The following TYW1 variants were observed in gnomAD, a reference collection of about 807,000 sequenced individuals.
TYW1 encodes tRNA-yW synthesizing protein 1 homolog, also known as S-adenosyl-L-methionine-dependent tRNA 4-demethylwyosine synthase TYW1.
A neutral mutation model predicts 96.2 loss-of-function variants in TYW1; 46 were observed. The observed-to-expected ratio is 0.48, with a 90% CI of 0.38 to 0.61. TYW1 has a LOEUF of 0.61. Among genes scored for constraint, TYW1 ranks in the 20% least tolerant of loss-of-function variants. The pLI is 0.00. For missense variants in TYW1, 684 were observed against 909.6 expected (o/e 0.75, Z 3.19); for synonymous variants, 274 against 323.0 (o/e 0.85, Z 1.63).
rs576438551 is a variant in TYW1 at position 66,996,833 on chromosome 7, C to A, written c.-146C>A. The stretch of plus-strand genomic sequence containing the variant: ...GTCCTCTGAACCAATCAGGACCGGC[C>A]TGGCAGTGTCATGGCTGCCCACAGG... On this transcript the variant is annotated 5_prime_UTR_variant, in exon 1 of 16. In the 5' UTR this introduces an upstream ATG that the reference lacks. Coordinates refer to ENST00000359626, the MANE Select transcript of TYW1 (RefSeq NM_018264.4). 2.8e-5 allele frequency: 41 copies of A among 1,455,478 alleles called. 1 individual carries two copies. In the South Asian group the frequency reaches 3.9e-4, roughly 14 times the overall value. The allele number at this position is 1,455,478 out of a possible 1,614,324, so 90.2% of individuals were successfully genotyped here.
chr7:67,148,722 T>C (rs1337621174), intron 13 of TYW1, among the ~76,000 whole-genome samples: 2 of 152,146 alleles, frequency 1.3e-5, no homozygotes, highest in Non-Finnish European at 2.9e-5. Context: ...TGAGCCACTG[T>C]GCCCGGCTGT....
intron 12 of TYW1, among the ~76,000 whole-genome samples, chr7:67,099,863 A>G (rs1258662921): frequency 6.6e-6 from 1 of 152,106 alleles, no homozygotes; most frequent in Non-Finnish European, 1.5e-5. Context: ...TTAGCTGGGC[A>G]TGATGGTGCA....
intron 6 of TYW1, among the ~76,000 whole-genome samples, chr7:67,019,461 G>C (rs536289566): frequency 5.9e-5 from 9 of 152,012 alleles, no homozygotes; most frequent in South Asian, 2.1e-4. Context: ...GCCTCCCAAA[G>C]TGCTGGGATT....
intron 13 of TYW1, among the ~76,000 whole-genome samples, chr7:67,140,143 T>C (rs1326705509): frequency 1.3e-5 from 2 of 151,964 alleles, no homozygotes; most frequent in Non-Finnish European, 2.9e-5. Context: ...GTGAGACTTA[T>C]TCACTATCAT....
chr7:67,049,175 C>T (rs148605992), intron 7 of TYW1, among the ~76,000 whole-genome samples: 7 of 152,272 alleles, frequency 4.6e-5, no homozygotes, highest in South Asian at 2.1e-4. Context: ...ATTTATTGAA[C>T]GCCTATTGTA....
chr7:67,005,675 G>T (rs1793553809), intron 3 of TYW1, among the ~76,000 whole-genome samples: 3 of 152,174 alleles, frequency 2.0e-5, no homozygotes, highest in African/African-American at 7.2e-5. Context: ...TTCTGATTCA[G>T]TACCACTTGG....
At chr7:67,058,571 C>T (rs1795600966) in intron 9 of TYW1, among the ~76,000 whole-genome samples, 1 of 152,050 alleles carries the variant, frequency 6.6e-6, no homozygotes, top group Non-Finnish European at 1.5e-5. Context: ...CAGCCTCCCA[C>T]CTCCTGGGCT....
chr7:67,232,429 A>T (rs188374049), intron 15 of TYW1, among the ~76,000 whole-genome samples: 6 of 151,622 alleles, frequency 4.0e-5, no homozygotes, highest in Admixed American at 3.9e-4. Context: ...AATCCCAGCT[A>T]CTCGGGAGGC....
chr7:67,165,315 G>A (rs1443484469), intron 13 of TYW1, among the ~76,000 whole-genome samples: 4 of 152,166 alleles, frequency 2.6e-5, no homozygotes, highest in Non-Finnish European at 5.9e-5. Context: ...GAAATTAAAA[G>A]CTGTAATCCT....
chr7:67,065,282 T>TA (rs1461908136), intron 9 of TYW1, among the ~76,000 whole-genome samples: 4 of 152,220 alleles, frequency 2.6e-5, no homozygotes, highest in Non-Finnish European at 4.4e-5. Flanking sequence ...TAACCTTAAA[T>TA]ACCTCATTAA....
chr7:67,132,340 C>T lies in TYW1; in HGVS notation c.1698+14722C>T, dbSNP rs183559196. 1.2e-3 allele frequency among the ~76,000 whole-genome samples: 189 copies of T among 151,928 alleles called. 1 individual carries two copies. The highest frequency in any genetic ancestry group is 2.3e-3 in the Admixed American group (35 of 15,254). On this transcript the variant is annotated intron_variant, in intron 13 of 15. Transcript: ENST00000359626. ...GCTCAGGTTGGTCTCGAACTCCTGG[C>T]GTCAAGTGATCCTCTCGCTTTGGCC...
chr7:67,040,571 G>A (rs564024862), intron 7 of TYW1, among the ~76,000 whole-genome samples: 3 of 152,108 alleles, frequency 2.0e-5, no homozygotes, highest in East Asian at 1.9e-4. Context: ...TTAGCAGGGC[G>A]CAGTGGCTCA....
At position 67,041,127 on chromosome 7, in the gene TYW1, C is replaced by T. The variant is rs572240554; in HGVS notation, c.985-8822C>T. Among the ~76,000 whole-genome samples, 11 of 152,072 alleles carry T rather than the reference C, an allele frequency of 7.2e-5. 1 individual carries two copies. In the South Asian group the frequency reaches 2.3e-3, roughly 32 times the overall value. The stretch of plus-strand genomic sequence containing the variant: ...TTTGGGAAAAATACGTGTTTTTTCC[C>T]AATTTTGGTATGACACAAAATAAGC... On this transcript the variant is annotated intron_variant, in intron 7 of 15. Transcript: ENST00000359626.
At chr7:67,133,109 A>G (rs1245322650) in intron 13 of TYW1, among the ~76,000 whole-genome samples, 11 of 152,026 alleles carry the variant, frequency 7.2e-5, no homozygotes, top group Admixed American at 7.2e-4. Context: ...TTCTATCCTC[A>G]CGAATACTTG....
Position 67,102,490 on chromosome 7 carries a change from G to A in TYW1, c.1562+3772G>A, listed in dbSNP as rs1384480556. On this transcript the variant is annotated intron_variant, in intron 12 of 15. Transcript: ENST00000359626. ...TTTACTAAACCTGACTGGGAAATGAGGAGGGAGACAAAAAGGAGGAAGTAA... is the reference window on the plus strand; with the variant it reads ...TTTACTAAACCTGACTGGGAAATGAAGAGGGAGACAAAAAGGAGGAAGTAA... Among the ~76,000 whole-genome samples the A allele has an allele frequency of 3.3e-5, 5 of 152,134 alleles. 1 individual carries two copies. The highest frequency in any genetic ancestry group is 9.7e-5 in the African/African-American group (4 of 41,430).
chr7:67,072,907 A>G (rs1228615013), intron 10 of TYW1, among the ~76,000 whole-genome samples: 1 of 146,450 alleles, frequency 6.8e-6, no homozygotes, highest in Non-Finnish European at 1.5e-5. Flanking sequence ...AACTCCAGCT[A>G]CAGGCTTGTG....
At chr7:67,202,542 A>G (rs562661657) in intron 15 of TYW1, among the ~76,000 whole-genome samples, 191 of 152,186 alleles carry the variant, frequency 1.3e-3, no homozygotes, top group Non-Finnish European at 2.2e-3. Context: ...GACTATAGGC[A>G]TGAACCACCA....
intron 13 of TYW1, among the ~76,000 whole-genome samples, chr7:67,132,796 G>T (rs146604120): frequency 6.6e-6 from 1 of 152,174 alleles, no homozygotes; most frequent in African/African-American, 2.4e-5. Context: ...GTTATATTTA[G>T]CTTTTGAGAC....
At chr7:67,153,965 T>A (rs181691859) in intron 13 of TYW1, among the ~76,000 whole-genome samples, 142 of 150,518 alleles carry the variant, frequency 9.4e-4, no homozygotes, top group Admixed American at 3.2e-3. Context: ...TCTCGCTCTG[T>A]CACCCAGGCT....
Sources: gnomAD v4.1 joint callset for allele counts (sites outside exome capture counted in the v4.1 genomes callset) on GRCh38, gnomAD v4.1.1 for gene constraint, MANE v1.5 for transcripts, NCBI Gene and HGNC (gene_info 2026-07-23, HGNC 2026-07-21) for gene names.